KIF26B: variants seen among roughly 807,000 people sequenced by gnomAD.
KIF26B encodes kinesin family member 26B.
Under a neutral mutation model 151.2 loss-of-function variants are expected in KIF26B, and 63 were observed. The ratio of observed to expected loss-of-function variants is 0.42; its 90% CI spans 0.34 to 0.51. KIF26B has a LOEUF of 0.51. KIF26B is among the 20% of genes least tolerant of loss of function. The pLI, the probability that KIF26B is intolerant of heterozygous loss-of-function variation, is 0.07. For synonymous variants in KIF26B, 1,357 were observed against 1,262.1 expected (o/e 1.08, Z -1.59); for missense variants, 2,813 against 2,913.6 (o/e 0.97, Z 0.79).
chr1:245,696,076 C>T (rs1287274037), intron 12 of KIF26B, among the ~76,000 whole-genome samples: 1 of 152,226 alleles, frequency 6.6e-6, no homozygotes, highest in South Asian at 2.1e-4. Context: ...TCCAAGATGG[C>T]CCCCATGGTC....
At chr1:245,446,012 TTAA>T (rs1659241576) in intron 4 of KIF26B, among the ~76,000 whole-genome samples, 1 of 152,256 alleles carries the variant, frequency 6.6e-6, no homozygotes, top group Non-Finnish European at 1.5e-5. Flanking sequence ...CATTTGTCAC[TTAA>T]TAACATACAC....
intron 4 of KIF26B, among the ~76,000 whole-genome samples, chr1:245,430,179 T>C (rs577128052): frequency 6.6e-6 from 1 of 151,916 alleles, no homozygotes; most frequent in East Asian, 1.9e-4. Flanking sequence ...TGGGGTGACA[T>C]GGAGTAGATT....
intron 2 of KIF26B, among the ~76,000 whole-genome samples, chr1:245,300,519 T>A (rs1236894603): frequency 1.3e-5 from 2 of 150,982 alleles, no homozygotes; most frequent in African/African-American, 2.5e-5. Flanking sequence ...AAATGAATTA[T>A]TTTTTTTCTT....
chr1:245,245,126 C>T (rs1378085029), intron 2 of KIF26B, among the ~76,000 whole-genome samples: 1 of 152,166 alleles, frequency 6.6e-6, no homozygotes, highest in Non-Finnish European at 1.5e-5. Context: ...AGGCAGTTGC[C>T]TGTTTAGCAG....
intron 4 of KIF26B, among the ~76,000 whole-genome samples, chr1:245,509,199 G>A (rs1209350504): frequency 5.3e-5 from 8 of 152,192 alleles, no homozygotes; most frequent in African/African-American, 1.9e-4. Flanking sequence ...ATCCTAGAAT[G>A]AGAAAGAGAG....
intron 2 of KIF26B, among the ~76,000 whole-genome samples, chr1:245,363,688 G>T (rs1364909176): frequency 1.3e-5 from 2 of 152,262 alleles, no homozygotes; most frequent in East Asian, 3.9e-4. Flanking sequence ...ACTCACAAAG[G>T]GTTTTAGATC....
chr1:245,568,346 C>CA (rs1047878198), intron 5 of KIF26B, among the ~76,000 whole-genome samples: 7 of 151,588 alleles, frequency 4.6e-5, no homozygotes, highest in South Asian at 2.1e-4. Context: ...TCTATCTCCA[C>CA]AAAAAATGTT....
At chr1:245,648,393 A>G (rs1201681469) in intron 10 of KIF26B, among the ~76,000 whole-genome samples, 1 of 152,142 alleles carries the variant, frequency 6.6e-6, no homozygotes, top group Non-Finnish European at 1.5e-5. Flanking sequence ...TCACACCTAT[A>G]TTCCTGGCAC....
chr1:245,687,556 C>CCCG lies in KIF26B; in HGVS notation c.4574_4576dup (p.Pro1525_Val1526insAla), dbSNP rs1558272406. On this transcript the variant is annotated inframe_insertion, in exon 12 of 15. Coordinates refer to ENST00000407071, the MANE Select transcript of KIF26B (RefSeq NM_018012.4). The surrounding 1 kb of genome is among the most constrained non-coding windows in gnomAD (Gnocchi z 4.9). ...CCTGCCCGGTTTGGCCACCCAGAGCCCCGTGCATCCCAACAAAAGCGTCAA... is the reference window on the plus strand; with the variant it reads ...CCTGCCCGGTTTGGCCACCCAGAGCCCCGCCGTGCATCCCAACAAAAGCGTCAA... 1 of 1,565,416 alleles carries CCCG rather than the reference C, an allele frequency of 6.4e-7. No individual in the cohort carries two copies. Among genetic ancestry groups the CCCG allele is most frequent in the Non-Finnish European group, 8.7e-7 (1 of 1,155,486 alleles).
At chr1:245,224,141 C>T (rs560557131) in intron 2 of KIF26B, among the ~76,000 whole-genome samples, 7 of 152,142 alleles carry the variant, frequency 4.6e-5, no homozygotes, top group African/African-American at 9.6e-5. Flanking sequence ...AAAAATTAGC[C>T]GGGTGTGGTG....
At chr1:245,642,295 C>T (rs1432115364) in intron 9 of KIF26B, among the ~76,000 whole-genome samples, 1 of 152,120 alleles carries the variant, frequency 6.6e-6, no homozygotes, top group Non-Finnish European at 1.5e-5. Context: ...GCTGATGGGC[C>T]TTTCTCATTG....
At chr1:245,573,706 C>T (rs181976495) in intron 5 of KIF26B, among the ~76,000 whole-genome samples, 21 of 152,210 alleles carry the variant, frequency 1.4e-4, no homozygotes, top group Non-Finnish European at 7.4e-5. Context: ...ACAATTTCCT[C>T]TATAGAGTAG....
chr1:245,534,718 T>C (rs184323504), intron 4 of KIF26B, among the ~76,000 whole-genome samples: 3 of 152,266 alleles, frequency 2.0e-5, no homozygotes, highest in Middle Eastern at 3.4e-3. Flanking sequence ...TTTTTTCCTA[T>C]GAAAGAAAGA....
intron 2 of KIF26B, among the ~76,000 whole-genome samples, chr1:245,180,910 A>G (rs1668894974): frequency 6.6e-6 from 1 of 152,068 alleles, no homozygotes; most frequent in East Asian, 1.9e-4. Context: ...ATCACAGTCC[A>G]CTGTAACCTT....
At chr1:245,192,632 G>A (rs1669129040) in intron 2 of KIF26B, among the ~76,000 whole-genome samples, 1 of 152,186 alleles carries the variant, frequency 6.6e-6, no homozygotes, top group Non-Finnish European at 1.5e-5. Flanking sequence ...CCAGGAGGGA[G>A]GAAAGAGGTA....
chr1:245,245,376 T>G (rs1339693887), intron 2 of KIF26B, among the ~76,000 whole-genome samples: 1 of 152,198 alleles, frequency 6.6e-6, no homozygotes, highest in Admixed American at 6.5e-5. Context: ...GCTGTTGCCC[T>G]TTCTGAATGG....
chr1:245,300,677 C>T (rs1671414322), intron 2 of KIF26B, among the ~76,000 whole-genome samples: 1 of 150,856 alleles, frequency 6.6e-6, no homozygotes, highest in Non-Finnish European at 1.5e-5. Flanking sequence ...TACAGGTGTA[C>T]ACCACCACAC....
intron 2 of KIF26B, among the ~76,000 whole-genome samples, chr1:245,339,194 G>A (rs1672290450): frequency 6.6e-6 from 1 of 152,032 alleles, no homozygotes; most frequent in African/African-American, 2.4e-5. Flanking sequence ...TGGTCAGGCT[G>A]GTCTCGAGCT....
At chr1:245,184,050 G>GTTTGTTTTTTTTTTTTTTTTTTTT (rs1668954964) in intron 2 of KIF26B, among the ~76,000 whole-genome samples, 3 of 19,808 alleles carry the variant, frequency 1.5e-4, no homozygotes, top group African/African-American at 4.5e-4. Flanking sequence ...GGGAGTTGTT[G>GTTTGTTTTTTTTTTTTTTTTTTTT]TTTTTTTTTT....
Sources: gnomAD v4.1 joint callset for allele counts (sites outside exome capture counted in the v4.1 genomes callset) on GRCh38, gnomAD v4.1.1 for gene constraint, Gnocchi (gnomAD v3.1) non-coding constraint, MANE v1.5 for transcripts, NCBI Gene and HGNC (gene_info 2026-07-23, HGNC 2026-07-21) for gene names.